The following NRXN3 variants were observed in gnomAD, a reference collection of about 807,000 sequenced individuals.
The protein encoded by NRXN3 is neurexin III.
NRXN3 carries 32 observed loss-of-function variants against 137.6 expected under a neutral mutation model. The ratio of observed to expected loss-of-function variants is 0.23; its 90% CI spans 0.18 to 0.31. The LOEUF (loss-of-function observed/expected upper bound fraction) is 0.31. Ranked by LOEUF, NRXN3 falls within the 10% of genes least tolerant of loss-of-function variation. NRXN3 has a pLI of 1.00. For synonymous variants in NRXN3, 798 were observed against 784.5 expected (o/e 1.02, Z -0.29); for missense variants, 1,574 against 2,062.5 (o/e 0.76, Z 4.59).
At chr14:78,366,345 G>A (rs2085939611) in intron 4 of NRXN3, among the ~76,000 whole-genome samples, 1 of 152,082 alleles carries the variant, frequency 6.6e-6, no homozygotes, top group Admixed American at 6.6e-5. Flanking sequence ...CCGCCCAGAT[G>A]GTTATCAGGT....
chr14:78,557,223 T>C lies in NRXN3; in HGVS notation c.758-87897T>C, dbSNP rs187846951. Among the ~76,000 whole-genome samples the C allele has an allele frequency of 1.7e-4, 22 of 132,184 alleles. 1 individual carries two copies. The highest frequency in any genetic ancestry group is 6.5e-4 in the African/African-American group (22 of 33,894). 86.7% of individuals were successfully genotyped at this position (132,184 alleles called of 152,430 possible). A position where few individuals can be genotyped will look rare whatever the true frequency, so the allele number is the denominator to read the frequency against. On this transcript the variant is annotated intron_variant, in intron 4 of 20. Coordinates refer to ENST00000335750, the MANE Select transcript of NRXN3 (RefSeq NM_001330195.2). ...TCACACCTGGCTATATTTTTTTCTA[T>C]TTTTTTTTTTTTGTAGAGATGCAGT...
chr14:79,746,996 C>A (rs1490953279), intron 19 of NRXN3, among the ~76,000 whole-genome samples: 2 of 152,106 alleles, frequency 1.3e-5, no homozygotes, highest in African/African-American at 2.4e-5. Context: ...GCTACCTACA[C>A]CTGTATTTTC....
At chr14:78,701,860 G>A (rs2098282607) in intron 6 of NRXN3, among the ~76,000 whole-genome samples, 1 of 152,168 alleles carries the variant, frequency 6.6e-6, no homozygotes, top group Non-Finnish European at 1.5e-5. Context: ...TATTTTTGGT[G>A]CTTAGTGTTT....
At chr14:79,216,456 G>GA (rs2068517150) in intron 15 of NRXN3, among the ~76,000 whole-genome samples, 1 of 152,180 alleles carries the variant, frequency 6.6e-6, no homozygotes, top group Non-Finnish European at 1.5e-5. Flanking sequence ...CTTTGCGCAG[G>GA]AGAGTCAAGG....
intron 20 of NRXN3, among the ~76,000 whole-genome samples, chr14:79,842,379 C>T (rs985081994): frequency 2.6e-5 from 4 of 152,080 alleles, no homozygotes; most frequent in Non-Finnish European, 5.9e-5. Context: ...CGAGAAAGAC[C>T]TAGCCAAGCA....
At chr14:79,001,849 A>G (rs1410925706) in intron 15 of NRXN3, among the ~76,000 whole-genome samples, 2 of 152,224 alleles carry the variant, frequency 1.3e-5, no homozygotes, top group African/African-American at 2.4e-5. Context: ...AGCTTTGTTA[A>G]CAAAGATTAT....
intron 16 of NRXN3, among the ~76,000 whole-genome samples, chr14:79,592,930 C>T (rs547224240): frequency 6.6e-6 from 1 of 152,286 alleles, no homozygotes; most frequent in African/African-American, 2.4e-5. Context: ...AATGAGACAT[C>T]TGATGGAACT....
At chr14:79,134,787 T>C (rs2058046431) in intron 15 of NRXN3, among the ~76,000 whole-genome samples, 1 of 152,246 alleles carries the variant, frequency 6.6e-6, no homozygotes, top group Non-Finnish European at 1.5e-5. Flanking sequence ...TGCTTCAAGT[T>C]GTCCATTAGC....
chr14:78,282,035 A>G (rs2074476903), intron 3 of NRXN3: 1 of 434,324 alleles, frequency 2.3e-6, no homozygotes, highest in Non-Finnish European at 4.7e-6. Flanking sequence ...GGGTTCCAAG[A>G]CATGGTGGAG....
intron 20 of NRXN3, among the ~76,000 whole-genome samples, chr14:79,820,594 T>C (rs571010792): frequency 1.3e-4 from 20 of 152,314 alleles, no homozygotes; most frequent in Admixed American, 7.2e-4. Context: ...TTGTTGTACA[T>C]ATCATTTGAT....
chr14:79,100,978 TG>T (rs1283783671), intron 15 of NRXN3, among the ~76,000 whole-genome samples: 1 of 152,186 alleles, frequency 6.6e-6, no homozygotes, highest in Non-Finnish European at 1.5e-5. Flanking sequence ...ACTAAAATAG[TG>T]GTTCATAATT....
chr14:78,898,554 C>CGT (rs66861661), intron 10 of NRXN3, among the ~76,000 whole-genome samples: 17,811 of 136,192 alleles, frequency 0.13, 1,404 homozygotes, highest in Admixed American at 0.21. Flanking sequence ...AGCTGGGTTT[C>CGT]GTGTGTGTGT....
chr14:78,354,076 T>G (rs1174987760), intron 4 of NRXN3, among the ~76,000 whole-genome samples: 1 of 152,242 alleles, frequency 6.6e-6, no homozygotes, highest in Non-Finnish European at 1.5e-5. Context: ...GTTCTTTTGT[T>G]GCCGTCTAAT....
chr14:79,501,670 A>G (rs1029470729), intron 16 of NRXN3, among the ~76,000 whole-genome samples: 5 of 151,958 alleles, frequency 3.3e-5, no homozygotes, highest in Non-Finnish European at 7.4e-5. Context: ...CAATTATTAC[A>G]TTCTTCCTAT....
At chr14:79,686,721 T>C (rs2098696721) in intron 17 of NRXN3, among the ~76,000 whole-genome samples, 1 of 152,202 alleles carries the variant, frequency 6.6e-6, no homozygotes, top group African/African-American at 2.4e-5. Flanking sequence ...TCCAATATTC[T>C]TTTCACTCAT....
intron 16 of NRXN3, among the ~76,000 whole-genome samples, chr14:79,509,973 A>T (rs910931663): frequency 1.3e-5 from 2 of 152,168 alleles, no homozygotes; most frequent in African/African-American, 4.8e-5. Context: ...TCAAGGGTAG[A>T]TCTCAACCCG....
chr14:78,414,599 G>T (rs1306154417), intron 4 of NRXN3, among the ~76,000 whole-genome samples: 6 of 152,196 alleles, frequency 3.9e-5, no homozygotes, highest in Admixed American at 3.9e-4. Flanking sequence ...TTAAGTGCCA[G>T]GGGATTTACT....
chr14:79,443,344 T>C (rs1411510005), intron 15 of NRXN3, among the ~76,000 whole-genome samples: 4 of 152,228 alleles, frequency 2.6e-5, no homozygotes, highest in Non-Finnish European at 5.9e-5. Flanking sequence ...TTTTCTCTTT[T>C]TTTTCCTGTG....
chr14:78,466,069 G>A (rs2153723797), intron 4 of NRXN3, among the ~76,000 whole-genome samples: 1 of 151,842 alleles, frequency 6.6e-6, no homozygotes. Flanking sequence ...TAGCCAGGTT[G>A]GTCTAGATCT....
Sources: allele counts gnomAD v4.1 joint callset (sites outside exome capture counted in the v4.1 genomes callset), GRCh38; gene constraint gnomAD v4.1.1; transcripts MANE v1.5; gene names NCBI Gene and HGNC (gene_info 2026-07-23, HGNC 2026-07-21).